The following BCOR variants were observed in gnomAD, a reference collection of about 807,000 sequenced individuals.
The protein encoded by BCOR is BCL-6 corepressor.
BCOR carries 10 observed loss-of-function variants against 86.7 expected under a neutral mutation model. The ratio of observed to expected loss-of-function variants is 0.12; its 90% CI spans 0.07 to 0.20. BCOR has a LOEUF of 0.20. BCOR is among the 10% of genes least tolerant of loss of function. The pLI, the probability that BCOR is intolerant of heterozygous loss-of-function variation, is 1.00. For missense variants in BCOR, 1,259 were observed against 1,452.1 expected (o/e 0.87, Z 2.16); for synonymous variants, 611 against 609.0 (o/e 1.00, Z -0.05).
At chrX:40,148,253 C>A (rs1602265959) in intron 1 of BCOR, among the ~76,000 whole-genome samples, 1 of 111,839 alleles carries the variant, frequency 8.9e-6, no homozygotes, top group Non-Finnish European at 1.9e-5. Flanking sequence ...TTCCCTCAAC[C>A]CTTCTCCCGC....
chrX:40,059,518 C>T (rs1602115838), intron 10 of BCOR, among the ~76,000 whole-genome samples: 1 of 112,428 alleles, frequency 8.9e-6, no homozygotes, highest in East Asian at 2.8e-4. Flanking sequence ...GCTAATGACA[C>T]TCTCCTAGAT....
At chrX:40,123,085 C>T (rs1219367777) in intron 1 of BCOR, among the ~76,000 whole-genome samples, 1 of 111,675 alleles carries the variant, frequency 9.0e-6, no homozygotes, top group Non-Finnish European at 1.9e-5. Flanking sequence ...TAGAGATGTC[C>T]ACTGTGGGTC....
chrX:40,172,071 T>A (rs1452727967), intron 1 of BCOR, among the ~76,000 whole-genome samples: 1 of 112,337 alleles, frequency 8.9e-6, no homozygotes, highest in Admixed American at 9.3e-5. Context: ...CGCGGATCCA[T>A]GGGGTTTCGC....
At chrX:40,103,149 C>G (rs934723420) in intron 1 of BCOR, among the ~76,000 whole-genome samples, 2 of 110,724 alleles carry the variant, frequency 1.8e-5, no homozygotes, top group African/African-American at 6.6e-5. Context: ...ACAGAACCTT[C>G]TGTGTGCGGC....
intron 1 of BCOR, among the ~76,000 whole-genome samples, chrX:40,085,737 G>A (rs978343113): frequency 4.5e-5 from 5 of 112,065 alleles, no homozygotes; most frequent in African/African-American, 1.6e-4. Context: ...TCAACCTTGG[G>A]ACTCATGGGG....
chrX:40,147,962 G>C (rs1938096107), intron 1 of BCOR, among the ~76,000 whole-genome samples: 1 of 111,735 alleles, frequency 8.9e-6, no homozygotes, highest in African/African-American at 3.3e-5. Flanking sequence ...CCCTCCTTGA[G>C]CCCAGGACAA....
intron 1 of BCOR, among the ~76,000 whole-genome samples, chrX:40,112,841 CT>C (rs1488377925): frequency 2.7e-5 from 3 of 111,045 alleles, no homozygotes; most frequent in African/African-American, 9.8e-5. Context: ...TAGAGAAGAG[CT>C]TTTCCTTTAG....
chrX:40,152,905 C>T (rs959270974), intron 1 of BCOR, among the ~76,000 whole-genome samples: 4 of 113,042 alleles, frequency 3.5e-5, no homozygotes, highest in Non-Finnish European at 7.5e-5. Context: ...GCCGAGAGGG[C>T]GGGAGGAGAC....
rs1254383299 is a variant in BCOR, at chrX:40,097,296, GAGA to G, written c.-125_-123del. 2 of 105,753 alleles carry G rather than the reference GAGA, an allele frequency of 1.9e-5. No individual in the cohort carries two copies. Among genetic ancestry groups the G allele is most frequent in the African/African-American group, 6.9e-5 (2 of 29,090 alleles). 8.7% of individuals were successfully genotyped at this position (105,753 alleles called of 1,213,427 possible). On this transcript the variant is annotated 5_prime_UTR_variant, in exon 1 of 15. Coordinates refer to ENST00000378444, the MANE Select transcript of BCOR (RefSeq NM_001123385.2). ...TTCCCCCAAGCGGACTCGAGGCGGC[GAGA>G]AGGAGCGGGGGGCGGTTGGGTGGGT...
At chrX:40,168,756 CTTTCA>C (rs1173500449) in intron 1 of BCOR, among the ~76,000 whole-genome samples, 2 of 113,436 alleles carry the variant, frequency 1.8e-5, no homozygotes, top group East Asian at 5.6e-4. Context: ...GGCCTCTCGC[CTTTCA>C]TTACGGGGCC....
At position 40,052,340 on chromosome X, in the gene BCOR, T is replaced by A. The variant is rs113588421; in HGVS notation, c.5037A>T (p.Ile1679=). The change falls in exon 15 of 15, where the codon ATA becomes ATT. Residue 1679 remains isoleucine, a synonymous_variant. Coordinates refer to ENST00000378444, the MANE Select transcript of BCOR (RefSeq NM_001123385.2). ...CCACGTTTGGAAAATTGCAGCGAAA[T>A]ATGCGGGAGGACATTTTCAATTTCT... The part of the protein sequence containing the change: ...VLKKLKMSSR[I]FRCNFPNVEI... 182 of 1,210,107 alleles carry A rather than the reference T, an allele frequency of 1.5e-4. 3 individuals are homozygous for A. In the African/African-American group the frequency reaches 1.8e-3, roughly 12 times the overall value.
chrX:40,170,645 G>C (rs1938601753), intron 1 of BCOR, among the ~76,000 whole-genome samples: 1 of 112,005 alleles, frequency 8.9e-6, no homozygotes, highest in Admixed American at 9.4e-5. Context: ...ACCGCGCCCA[G>C]CCTTCTTAAA....
chrX:40,157,551 C>A (rs929825641), intron 1 of BCOR, among the ~76,000 whole-genome samples: 1 of 112,637 alleles, frequency 8.9e-6, no homozygotes. Flanking sequence ...GCCTCTCAAG[C>A]TGAGCTGATA....
chrX:40,083,867 C>G (rs1936228631), intron 1 of BCOR, among the ~76,000 whole-genome samples: 1 of 111,916 alleles, frequency 8.9e-6, no homozygotes, highest in East Asian at 2.8e-4. Flanking sequence ...TCGGACCCTG[C>G]GGCCTGGCAC....
chrX:40,151,906 T>A (rs1161651284), intron 1 of BCOR, among the ~76,000 whole-genome samples: 1 of 111,868 alleles, frequency 8.9e-6, no homozygotes, highest in East Asian at 2.9e-4. Context: ...GTTTACACAC[T>A]GTCCTTTCGA....
intron 1 of BCOR, among the ~76,000 whole-genome samples, chrX:40,131,051 A>G (rs1427493188): frequency 8.9e-6 from 1 of 111,963 alleles, no homozygotes; most frequent in Non-Finnish European, 1.9e-5. Flanking sequence ...GTGAGACAGA[A>G]GACCCACGCC....
chrX:40,096,728 G>T (rs1272461983), intron 1 of BCOR, among the ~76,000 whole-genome samples: 1 of 111,882 alleles, frequency 8.9e-6, no homozygotes, highest in East Asian at 2.8e-4. Context: ...GGCGGCTGGG[G>T]GTTTTTACAG....
At position 40,074,853 on chromosome X, in the gene BCOR, C is replaced by G. The variant is rs772777080; in HGVS notation, c.493G>C (p.Ala165Pro). ...CTGGCAGGCCTGTCCAAGCCCAGCG[C>G]TTCTGCTGTGGCTACAGCACTTTTT... ...IQKSAVATAE[A>P]LGLDRPASDK... The change falls in exon 4 of 15, where the codon GCG becomes CCG. Residue 165 changes from alanine to proline, a missense_variant. Physicochemically the swap from Ala to Pro is conservative, Grantham distance 27 (BLOSUM62 -1). Coordinates refer to ENST00000378444, the MANE Select transcript of BCOR (RefSeq NM_001123385.2). 74 of 1,209,501 alleles carry G rather than the reference C, an allele frequency of 6.1e-5. No individual in the cohort carries two copies. The highest frequency in any genetic ancestry group is 8.2e-5 in the Non-Finnish European group (73 of 894,932).
At chrX:40,150,764 G>A (rs992484872) in intron 1 of BCOR, among the ~76,000 whole-genome samples, 2 of 111,666 alleles carry the variant, frequency 1.8e-5, no homozygotes, top group African/African-American at 6.5e-5. Flanking sequence ...ACAAGATTGG[G>A]CCCTGAGCCT....
Sources: gnomAD v4.1 joint callset for allele counts (sites outside exome capture counted in the v4.1 genomes callset) on GRCh38, gnomAD v4.1.1 for gene constraint, MANE v1.5 for transcripts, NCBI Gene and HGNC (gene_info 2026-07-23, HGNC 2026-07-21) for gene names.